PTPN11: variants seen among roughly 807,000 people sequenced by gnomAD.
The protein encoded by PTPN11 is tyrosine-protein phosphatase non-receptor type 11.
PTPN11 carries 6 observed loss-of-function variants against 78.8 expected under a neutral mutation model. The ratio of observed to expected loss-of-function variants is 0.08; its 90% CI spans 0.04 to 0.15. The LOEUF is 0.15. Ranked by LOEUF, PTPN11 falls within the 10% of genes least tolerant of loss-of-function variation. PTPN11 has a pLI of 1.00. For synonymous variants in PTPN11, 221 were observed against 263.5 expected (o/e 0.84, Z 1.56); for missense variants, 386 against 744.8 (o/e 0.52, Z 5.61).
intron 1 of PTPN11, 21 bp from the exon 2 acceptor site, chr12:112,446,255 T>TA (rs1268567415): frequency 5.0e-6 from 8 of 1,613,588 alleles, no homozygotes; most frequent in Non-Finnish European, 6.8e-6. Flanking sequence ...TTTTATTACT[T>TA]ACTTTGTCTT....
chr12:112,427,869 G>C (rs1470256415), intron 1 of PTPN11, among the ~76,000 whole-genome samples: 2 of 152,008 alleles, frequency 1.3e-5, no homozygotes, highest in African/African-American at 2.4e-5. Context: ...TCTTGCCTCA[G>C]CCTCCCAAGT....
At chr12:112,469,662 CTG>C (rs2135890329) in intron 6 of PTPN11, among the ~76,000 whole-genome samples, 1 of 152,010 alleles carries the variant, frequency 6.6e-6, no homozygotes, top group Admixed American at 6.6e-5. Context: ...TTACAGGTGC[CTG>C]CCACCACTCC....
intron 6 of PTPN11, among the ~76,000 whole-genome samples, chr12:112,461,106 A>G (rs2038240569): frequency 1.3e-5 from 2 of 152,040 alleles, no homozygotes; most frequent in South Asian, 4.2e-4. Context: ...GCAAGATAGC[A>G]TGTATGGTGG....
intron 13 of PTPN11, among the ~76,000 whole-genome samples, chr12:112,495,039 A>G (rs78603837): frequency 6.6e-6 from 1 of 152,164 alleles, no homozygotes; most frequent in Admixed American, 6.5e-5. Flanking sequence ...ACTTATGATG[A>G]GTTTATTGGG....
At chr12:112,448,218 C>CT (rs1195467615) in intron 2 of PTPN11, among the ~76,000 whole-genome samples, 229 of 141,680 alleles carry the variant, frequency 1.6e-3, no homozygotes, top group African/African-American at 3.1e-3. Context: ...TTCTTTTTTT[C>CT]TTTTTTTTTT....
chr12:112,503,347 A>T (rs942776624), intron 14 of PTPN11, among the ~76,000 whole-genome samples: 9 of 152,240 alleles, frequency 5.9e-5, no homozygotes, highest in African/African-American at 2.2e-4. Context: ...ACTTGCTAGT[A>T]TAACATTTAC....
At chr12:112,467,556 G>T (rs1050772178) in intron 6 of PTPN11, among the ~76,000 whole-genome samples, 3 of 152,074 alleles carry the variant, frequency 2.0e-5, no homozygotes, top group Non-Finnish European at 2.9e-5. Context: ...GTGCAGTGGC[G>T]TGATCTCAGC....
At chr12:112,493,716 C>T (rs768155238) in intron 13 of PTPN11, among the ~76,000 whole-genome samples, 7 of 152,098 alleles carry the variant, frequency 4.6e-5, no homozygotes, top group African/African-American at 7.2e-5. Flanking sequence ...ACTATAATCA[C>T]CATGCTGTAC....
Position 112,424,772 on chromosome 12 carries a change from C to T in PTPN11, c.14+5647C>T, listed in dbSNP as rs188117272. Among the ~76,000 whole-genome samples, 4 of 152,136 alleles carry T rather than the reference C, an allele frequency of 2.6e-5. No individual in the cohort carries two copies. The East Asian group carries it at 7.7e-4, about 29-fold the overall frequency. On this transcript the variant is annotated intron_variant, in intron 1 of 15. Coordinates refer to ENST00000351677, the MANE Select transcript of PTPN11 (RefSeq NM_002834.5). ...CTGTCACCCAGGCTCACGACCTCAG[C>T]TCACTGCAACCTCTGCCTCCCAGGC... is the stretch of plus-strand genomic sequence containing the variant.
chr12:112,482,275 G>A lies in PTPN11; in HGVS notation c.1224+70G>A, dbSNP rs1003473170. 114 of 1,542,282 alleles carry A rather than the reference G, an allele frequency of 7.4e-5. No individual in the cohort carries two copies. The highest frequency in any genetic ancestry group is 1.7e-4 in the Middle Eastern group (1 of 5,890). On this transcript the variant is annotated intron_variant, in intron 10 of 15. Transcript: ENST00000351677. This position sits in a 1 kb window ranked among gnomAD's most constrained non-coding sequence, Gnocchi z 4.4. ...GTGTGTAGGAATTCAGGGTCTTGCC[G>A]TTACTCATGTTTGCATACATGCATG... is the stretch of plus-strand genomic sequence containing the variant.
chr12:112,454,453 C>T, intron 4 of PTPN11, 111 bp from the exon 5 acceptor site: 1 of 838,782 alleles, frequency 1.2e-6, no homozygotes, highest in East Asian at 2.5e-5. Flanking sequence ...TTTAAGTTGT[C>T]TCTATATACT....
chr12:112,421,810 T>G (rs534499644), intron 1 of PTPN11, among the ~76,000 whole-genome samples: 1 of 152,132 alleles, frequency 6.6e-6, no homozygotes, highest in Non-Finnish European at 1.5e-5. Context: ...TATTTTTTTA[T>G]AGAGACAGGG....
At chr12:112,490,302 G>A (rs1219219437) in intron 13 of PTPN11, among the ~76,000 whole-genome samples, 1 of 144,984 alleles carries the variant, frequency 6.9e-6, no homozygotes, top group Non-Finnish European at 1.5e-5. Context: ...GTTCAGGGAT[G>A]TCTTTTTTTT....
At chr12:112,434,896 T>C (rs1244903856) in intron 1 of PTPN11, among the ~76,000 whole-genome samples, 10 of 151,856 alleles carry the variant, frequency 6.6e-5, no homozygotes, top group African/African-American at 2.2e-4. Context: ...AAGTGATTCT[T>C]GTGCCTCAGC....
Position 112,485,641 on chromosome 12 carries a change from G to A in PTPN11, c.1225-834G>A, listed in dbSNP as rs2038662812. Among the ~76,000 whole-genome samples, 4 of 152,294 alleles carry A rather than the reference G, an allele frequency of 2.6e-5. No homozygotes were observed. In the South Asian group the frequency reaches 6.2e-4, roughly 24 times the overall value. ...CTAAATCTAGTCATCTGATAGCAAA[G>A]CCTGTTTTCTTATCTGCTTTGCATT... On this transcript the variant is annotated intron_variant, in intron 10 of 15. Coordinates refer to ENST00000351677, the MANE Select transcript of PTPN11 (RefSeq NM_002834.5).
chr12:112,454,241 T>G (rs879350895), intron 4 of PTPN11, among the ~76,000 whole-genome samples: 7 of 152,142 alleles, frequency 4.6e-5, no homozygotes, highest in Non-Finnish European at 1.0e-4. Context: ...TGCCTCACCC[T>G]CCTGAGTAGC....
chr12:112,423,861 C>T (rs2037563143), intron 1 of PTPN11, among the ~76,000 whole-genome samples: 1 of 150,054 alleles, frequency 6.7e-6, no homozygotes, highest in African/African-American at 2.5e-5. Flanking sequence ...ATCCTCCCAT[C>T]TCAGCCTCCT....
rs10850038 is a variant in PTPN11 at position 112,476,527 on chromosome 12, G to A, written c.854-1124G>A. 0.056 allele frequency among the ~76,000 whole-genome samples: 8,542 copies of A among 152,210 alleles called. 1,304 individuals are homozygous for A. In the East Asian group the frequency reaches 0.61, roughly 11 times the overall value. On this transcript the variant is annotated intron_variant, in intron 7 of 15. Coordinates refer to ENST00000351677, the MANE Select transcript of PTPN11 (RefSeq NM_002834.5). ...CTCACAACTGTAATCCCAGCACTTT[G>A]GGAGGCTGAGGTGGGCAGATCACCT... is the stretch of plus-strand genomic sequence containing the variant.
intron 13 of PTPN11, among the ~76,000 whole-genome samples, chr12:112,492,744 C>G (rs1028541667): frequency 2.0e-5 from 3 of 151,996 alleles, no homozygotes; most frequent in Non-Finnish European, 4.4e-5. Flanking sequence ...GTCTTGATCT[C>G]CTGACCTTGT....
Sources: gnomAD v4.1 joint callset for allele counts (sites outside exome capture counted in the v4.1 genomes callset) on GRCh38, gnomAD v4.1.1 for gene constraint, Gnocchi (gnomAD v3.1) non-coding constraint, MANE v1.5 for transcripts, NCBI Gene and HGNC (gene_info 2026-07-23, HGNC 2026-07-21) for gene names.